The following ERCC6L2 variants were observed in gnomAD, a reference collection of about 807,000 sequenced individuals.
The protein encoded by ERCC6L2 is DNA excision repair protein ERCC-6-like 2.
ERCC6L2 carries 77 observed loss-of-function variants against 132.0 expected under a neutral mutation model. The observed-to-expected ratio is 0.58, with a 90% CI of 0.49 to 0.71. The LOEUF is 0.71. Ranked by LOEUF, ERCC6L2 falls within the 30% of genes least tolerant of loss-of-function variation. ERCC6L2 has a pLI of 0.00. For synonymous variants in ERCC6L2, 583 were observed against 632.4 expected, an observed-to-expected ratio of 0.92 and a Z score of 1.17; for missense variants, 1,542 against 1,837.6, an observed-to-expected ratio of 0.84 and a Z score of 2.94.
At chr9:95,949,648 A>G (rs1009259638) in intron 12 of ERCC6L2, among the ~76,000 whole-genome samples, 2 of 152,162 alleles carry the variant, frequency 1.3e-5, no homozygotes, top group Non-Finnish European at 2.9e-5. Flanking sequence ...GCCCTTCAAA[A>G]ATGAGGGTTA....
intron 2 of ERCC6L2, among the ~76,000 whole-genome samples, chr9:95,896,052 T>C (rs1828441923): frequency 6.6e-6 from 1 of 152,186 alleles, no homozygotes; most frequent in Admixed American, 6.5e-5. Context: ...AACTTTTTTA[T>C]TGTTTCATAA....
chr9:95,976,926 T>C (rs1433185898), intron 16 of ERCC6L2, among the ~76,000 whole-genome samples: 2 of 152,226 alleles, frequency 1.3e-5, no homozygotes, highest in African/African-American at 2.4e-5. Flanking sequence ...TTGTGGCTAT[T>C]AGCATTCTCG....
At chr9:95,892,955 C>T (rs563878760) in intron 2 of ERCC6L2, among the ~76,000 whole-genome samples, 1 of 152,210 alleles carries the variant, frequency 6.6e-6, no homozygotes, top group African/African-American at 2.4e-5. Flanking sequence ...GATTTGGATA[C>T]AAATCTGTTC....
intron 2 of ERCC6L2, among the ~76,000 whole-genome samples, chr9:95,882,141 A>G (rs1827629967): frequency 6.6e-6 from 1 of 152,176 alleles, no homozygotes; most frequent in Non-Finnish European, 1.5e-5. Context: ...CATCTCACAC[A>G]AGGTAGCTTG....
chr9:95,975,266 G>C (rs1320490985), intron 16 of ERCC6L2, among the ~76,000 whole-genome samples: 1 of 152,044 alleles, frequency 6.6e-6, no homozygotes, highest in Non-Finnish European at 1.5e-5. Context: ...GCATCGTTCT[G>C]GTTGTCTGAA....
intron 17 of ERCC6L2, among the ~76,000 whole-genome samples, chr9:95,996,847 C>G (rs1833488129): frequency 6.6e-6 from 1 of 152,094 alleles, no homozygotes. Context: ...TGGAAATGTA[C>G]AAGGAAATGA....
intron 17 of ERCC6L2, among the ~76,000 whole-genome samples, chr9:95,992,205 G>GT (rs1833325952): frequency 6.6e-6 from 1 of 152,044 alleles, no homozygotes; most frequent in African/African-American, 2.4e-5. Flanking sequence ...AGTTACTTTT[G>GT]TTTTAAAAAG....
In ERCC6L2 at chr9:96,012,572, A is replaced by C; in HGVS notation, c.4022A>C (p.Asn1341Thr). 7.3e-7 allele frequency: 1 copy of C among 1,367,528 alleles called. No homozygotes were observed. The highest frequency in any genetic ancestry group is 1.5e-5 in the African/African-American group (1 of 67,852). 84.7% of individuals were successfully genotyped at this position (1,367,528 alleles called of 1,614,324 possible). ...TYKRKSVKFQ[N>T]HISYREEVFF... ...AAAAGAAAATCAGTTAAGTTTCAGA[A>C]TCATATTTCCTATAGAGAAGAGGTG... Residue 1341 changes from asparagine (N) to threonine (T), a missense_variant, in exon 19 of 19, where the codon AAT becomes ACT. By Grantham distance (65) the Asn-to-Thr change is moderately conservative (BLOSUM62 0). This residue lies in a region of ERCC6L2 where 442 missense variants were observed against 583.4 expected (regional missense o/e 0.76). Transcript: ENST00000653738.
chr9:95,951,112 A>G (rs953429427), intron 12 of ERCC6L2, among the ~76,000 whole-genome samples: 2 of 152,236 alleles, frequency 1.3e-5, no homozygotes, highest in African/African-American at 4.8e-5. Context: ...AAAGATTGAA[A>G]TCATTCATTT....
At chr9:95,918,824 G>A (rs1332744896) in intron 6 of ERCC6L2, 2 of 156,306 alleles carry the variant, frequency 1.3e-5, no homozygotes, top group Non-Finnish European at 1.4e-5. Flanking sequence ...CAGTCCTGCT[G>A]TTGTGAAGTA....
At chr9:95,950,475 A>G (rs1831278233) in intron 12 of ERCC6L2, among the ~76,000 whole-genome samples, 1 of 152,194 alleles carries the variant, frequency 6.6e-6, no homozygotes, top group African/African-American at 2.4e-5. Context: ...AGTGGGAAAA[A>G]TGAGTTCTTC....
intron 11 of ERCC6L2, among the ~76,000 whole-genome samples, chr9:95,932,406 T>C (rs1480568479): frequency 6.6e-6 from 1 of 152,174 alleles, no homozygotes; most frequent in Non-Finnish European, 1.5e-5. Context: ...CTGACCTCTT[T>C]TGTTTTTGGA....
intron 19 of ERCC6L2, among the ~76,000 whole-genome samples, chr9:96,029,033 G>C (rs941766817): frequency 2.0e-5 from 3 of 152,066 alleles, no homozygotes; most frequent in African/African-American, 2.4e-5. Context: ...GACTGGGCGC[G>C]GTGGCTCAGG....
chr9:95,894,776 A>G lies in ERCC6L2; in HGVS notation c.472-3073A>G, dbSNP rs540172961. On this transcript the variant is annotated intron_variant, in intron 2 of 18. Coordinates refer to ENST00000653738, the MANE Select transcript of ERCC6L2 (RefSeq NM_020207.7). Reference sequence around the variant, plus strand: ...TGCCCAGCTAATTTTTTATATTTTTAGTAGAAACGGGATTTCACCATGTTA... The same window carrying G: ...TGCCCAGCTAATTTTTTATATTTTTGGTAGAAACGGGATTTCACCATGTTA... 5.9e-4 allele frequency among the ~76,000 whole-genome samples: 90 copies of G among 151,804 alleles called. 1 individual carries two copies. Among genetic ancestry groups the G allele is most frequent in the African/African-American group, 1.8e-3 (76 of 41,446 alleles).
At chr9:95,944,109 G>A (rs1332867777) in intron 12 of ERCC6L2, among the ~76,000 whole-genome samples, 1 of 152,176 alleles carries the variant, frequency 6.6e-6, no homozygotes, top group African/African-American at 2.4e-5. Context: ...TAGCTAAAAT[G>A]TGGAAGCAAC....
At chr9:95,915,570 A>C in intron 4 of ERCC6L2, 98 bp from the exon 5 acceptor site, 2 of 1,293,732 alleles carry the variant, frequency 1.5e-6, no homozygotes, top group Non-Finnish European at 2.1e-6. Context: ...AGGAAAAAAT[A>C]ATTCCAAAAC....
rs114240229 is a variant in ERCC6L2, at chr9:95,909,485, A to G, written c.788+2214A>G. On this transcript the variant is annotated intron_variant, in intron 4 of 18. Transcript: ENST00000653738. ...TCCTCAACCCTCACCTTGGGCAACT[A>G]CTGATTTTAATTTCTGCCACTTATA... is the stretch of plus-strand genomic sequence containing the variant. Among the ~76,000 whole-genome samples the G allele has an allele frequency of 5.2e-3, 788 of 152,200 alleles. 12 individuals are homozygous for G. Among genetic ancestry groups the G allele is most frequent in the African/African-American group, 0.017 (704 of 41,524 alleles).
At chr9:96,007,795 G>A (rs974419455) in intron 18 of ERCC6L2, among the ~76,000 whole-genome samples, 2 of 152,170 alleles carry the variant, frequency 1.3e-5, no homozygotes, top group Non-Finnish European at 2.9e-5. Flanking sequence ...GAGGCCAGTG[G>A]TAATGGATGA....
At chr9:96,008,431 T>A (rs1314673989) in intron 18 of ERCC6L2, among the ~76,000 whole-genome samples, 2 of 152,174 alleles carry the variant, frequency 1.3e-5, no homozygotes, top group Non-Finnish European at 2.9e-5. Flanking sequence ...AGCTTTCTTT[T>A]CCATGTATTT....
Sources: gnomAD v4.1 joint callset for allele counts (sites outside exome capture counted in the v4.1 genomes callset) on GRCh38, gnomAD v4.1.1 for gene constraint, gnomAD v4.1.1 regional missense constraint, MANE v1.5 for transcripts, NCBI Gene and HGNC (gene_info 2026-07-23, HGNC 2026-07-21) for gene names.